The following FBXL17 variants were observed in gnomAD, a reference collection of about 807,000 sequenced individuals.
FBXL17 encodes F-box and leucine rich repeat protein 17, also known as F-box/LRR-repeat protein 17.
In FBXL17, 22 loss-of-function variants were observed where a neutral mutation model predicts 66.2. That is an observed-to-expected ratio of 0.33 (90% CI 0.24 to 0.47). The LOEUF (loss-of-function observed/expected upper bound fraction) is 0.47, where lower values mean the gene tolerates loss of function less well. Ranked by LOEUF, FBXL17 falls within the 20% of genes least tolerant of loss-of-function variation. The probability of loss-of-function intolerance (pLI) is 1.00; values close to 1 mark genes in which losing one functional copy is unlikely to be tolerated. For missense variants in FBXL17, 878 were observed against 948.2 expected, an observed-to-expected ratio of 0.93 and a Z score of 0.97; for synonymous variants, 474 against 400.5, an observed-to-expected ratio of 1.18 and a Z score of -2.19.
intron 5 of FBXL17, among the ~76,000 whole-genome samples, chr5:108,212,147 G>A (rs1467836550): frequency 1.3e-5 from 2 of 152,092 alleles, no homozygotes; most frequent in East Asian, 3.9e-4. Context: ...GCTTCATGAA[G>A]TTCTCATACT....
intron 8 of FBXL17, among the ~76,000 whole-genome samples, chr5:107,863,651 A>G (rs550492865): frequency 2.0e-5 from 3 of 152,328 alleles, no homozygotes; most frequent in East Asian, 3.9e-4. Flanking sequence ...TCTAAGATCT[A>G]TAAGAACTAT....
intron 7 of FBXL17, among the ~76,000 whole-genome samples, chr5:107,917,275 T>G (rs1462842564): frequency 6.6e-6 from 1 of 152,170 alleles, no homozygotes. Flanking sequence ...AATGATCTTG[T>G]GAGGATGCTG....
intron 6 of FBXL17, among the ~76,000 whole-genome samples, chr5:108,110,124 G>A (rs1390681216): frequency 3.3e-5 from 5 of 151,784 alleles, no homozygotes; most frequent in African/African-American, 1.2e-4. Context: ...CTCCTCCTTG[G>A]CCAGCCAAGC....
intron 7 of FBXL17, among the ~76,000 whole-genome samples, chr5:107,888,121 A>AT (rs1554081976): frequency 4.6e-5 from 7 of 151,970 alleles, no homozygotes; most frequent in Admixed American, 2.6e-4. Flanking sequence ...ACTCTAAAAC[A>AT]TTTTTCCAGA....
chr5:108,014,092 T>C (rs1754287163), intron 7 of FBXL17, among the ~76,000 whole-genome samples: 1 of 151,718 alleles, frequency 6.6e-6, no homozygotes, highest in Admixed American at 6.6e-5. Context: ...TACTATGCAG[T>C]GAGGGTTAAA....
intron 6 of FBXL17, among the ~76,000 whole-genome samples, chr5:108,183,658 C>T (rs897376888): frequency 2.0e-5 from 3 of 151,914 alleles, no homozygotes; most frequent in Non-Finnish European, 4.4e-5. Flanking sequence ...GATTTTGGTG[C>T]GCCCATCCCC....
At chr5:108,237,735 A>C (rs1290156901) in intron 4 of FBXL17, among the ~76,000 whole-genome samples, 2 of 152,162 alleles carry the variant, frequency 1.3e-5, no homozygotes, top group Non-Finnish European at 2.9e-5. Flanking sequence ...CCAGGAGGCT[A>C]TGGATGCAAC....
intron 7 of FBXL17, among the ~76,000 whole-genome samples, chr5:107,967,776 G>A (rs891651104): frequency 2.8e-4 from 43 of 151,972 alleles, no homozygotes; most frequent in Non-Finnish European, 4.4e-5. Context: ...ATTTAATGAT[G>A]TAATAGCAAA....
At chr5:108,309,792 T>C (rs944709317) in intron 4 of FBXL17, among the ~76,000 whole-genome samples, 3 of 152,128 alleles carry the variant, frequency 2.0e-5, no homozygotes, top group African/African-American at 7.2e-5. Flanking sequence ...ATTTCTGCCA[T>C]TTGTACTTTA....
chr5:108,278,226 G>A (rs1757562202), intron 4 of FBXL17, among the ~76,000 whole-genome samples: 1 of 152,160 alleles, frequency 6.6e-6, no homozygotes, highest in African/African-American at 2.4e-5. Flanking sequence ...CTAACTTACA[G>A]AGTGGCTAGA....
intron 4 of FBXL17, among the ~76,000 whole-genome samples, chr5:108,275,922 G>T (rs966893486): frequency 6.6e-6 from 1 of 152,094 alleles, no homozygotes; most frequent in Non-Finnish European, 1.5e-5. Flanking sequence ...AATGTTGGCA[G>T]GAGAGAATTT....
At chr5:107,900,298 A>G (rs965125904) in intron 7 of FBXL17, among the ~76,000 whole-genome samples, 23 of 152,260 alleles carry the variant, frequency 1.5e-4, no homozygotes, top group Middle Eastern at 3.4e-3. Flanking sequence ...TCATCTACCC[A>G]CAATATATGT....
intron 6 of FBXL17, among the ~76,000 whole-genome samples, chr5:108,081,833 A>G (rs1320386868): frequency 6.6e-6 from 1 of 152,112 alleles, no homozygotes; most frequent in Non-Finnish European, 1.5e-5. Context: ...TCATTCCTCC[A>G]GCCCCACTCC....
At chr5:108,073,130 A>T (rs1748405197) in intron 6 of FBXL17, among the ~76,000 whole-genome samples, 1 of 152,168 alleles carries the variant, frequency 6.6e-6, no homozygotes, top group Non-Finnish European at 1.5e-5. Flanking sequence ...AAAGAGGACA[A>T]AATAAAAAAT....
At chr5:108,166,906 G>T (rs932272395) in intron 6 of FBXL17, among the ~76,000 whole-genome samples, 3 of 152,146 alleles carry the variant, frequency 2.0e-5, no homozygotes, top group Non-Finnish European at 4.4e-5. Context: ...CATTAGATGT[G>T]TAGGTGCAGA....
chr5:108,157,547 A>G (rs370267309), intron 6 of FBXL17, among the ~76,000 whole-genome samples: 2 of 151,810 alleles, frequency 1.3e-5, no homozygotes, highest in East Asian at 1.9e-4. Context: ...CAGTCTGTGA[A>G]GGCTCAATAA....
intron 7 of FBXL17, among the ~76,000 whole-genome samples, chr5:107,965,514 T>C (rs1386415387): frequency 6.6e-6 from 1 of 152,140 alleles, no homozygotes; most frequent in Admixed American, 6.6e-5. Flanking sequence ...TATCTCTATA[T>C]GGAAATAAGA....
At chr5:108,138,069 T>C (rs1239204212) in intron 6 of FBXL17, among the ~76,000 whole-genome samples, 1 of 152,194 alleles carries the variant, frequency 6.6e-6, no homozygotes, top group Non-Finnish European at 1.5e-5. Context: ...AATGCAAAGA[T>C]AACTTAAAGA....
chr5:108,086,946 T>C lies in FBXL17; in HGVS notation c.1746-65945A>G, dbSNP rs566885884. On this transcript the variant is annotated intron_variant, in intron 6 of 8. Transcript: ENST00000542267. ...TACCACCAGATGGTCTTTCCTTTCC[T>C]GGACTGGCTGGTATGCAGATGTGGG... 3.3e-5 allele frequency among the ~76,000 whole-genome samples: 5 copies of C among 152,262 alleles called. No individual in the cohort carries two copies. The East Asian group carries it at 9.7e-4, about 29-fold the overall frequency.
Sources: allele counts gnomAD v4.1 joint callset (sites outside exome capture counted in the v4.1 genomes callset), GRCh38; gene constraint gnomAD v4.1.1; transcripts MANE v1.5; gene names NCBI Gene and HGNC (gene_info 2026-07-23, HGNC 2026-07-21).